Variants in DCC observed in about 807,000 individuals in gnomAD.
DCC encodes netrin receptor DCC.
Under a neutral mutation model 172.5 loss-of-function variants are expected in DCC, and 58 were observed. The ratio of observed to expected loss-of-function variants is 0.34; its 90% CI spans 0.27 to 0.42. DCC has a LOEUF of 0.42. Among genes scored for constraint, DCC ranks in the 10% least tolerant of loss-of-function variants. DCC has a pLI of 1.00. For synonymous variants in DCC, 709 were observed against 644.5 expected (o/e 1.10, Z -1.52); for missense variants, 1,740 against 1,791.0 (o/e 0.97, Z 0.51).
chr18:52,797,871 T>C (rs113837909), intron 2 of DCC, among the ~76,000 whole-genome samples: 6,565 of 152,306 alleles, frequency 0.043, 222 homozygotes, highest in South Asian at 0.16. Context: ...TGGGAAAGGC[T>C]GGCTGGTTCT....
chr18:52,871,132 A>C (rs2039311864), intron 2 of DCC, among the ~76,000 whole-genome samples: 1 of 152,158 alleles, frequency 6.6e-6, no homozygotes, highest in Admixed American at 6.5e-5. Flanking sequence ...TCAGGACAAA[A>C]AGTGTGCTGC....
chr18:53,396,172 G>A (rs1216578641), intron 17 of DCC, among the ~76,000 whole-genome samples: 2 of 151,882 alleles, frequency 1.3e-5, no homozygotes. Flanking sequence ...ATGAGTGGGG[G>A]AAAAGAGCTT....
chr18:52,561,090 C>A (rs1427867785), intron 1 of DCC, among the ~76,000 whole-genome samples: 1 of 151,814 alleles, frequency 6.6e-6, no homozygotes, highest in Non-Finnish European at 1.5e-5. Context: ...GCTCAGCCAT[C>A]TTTATTCAAG....
At position 53,416,253 on chromosome 18, in the gene DCC, A is replaced by G. The variant is rs747471833; in HGVS notation, c.3163+97A>G. 4.6e-5 allele frequency: 40 copies of G among 860,590 alleles called. No individual in the cohort carries two copies. In the African/African-American group the frequency reaches 6.0e-4, roughly 13 times the overall value. The allele number at this position is 860,590 out of a possible 1,614,324, so 53.3% of individuals were successfully genotyped here. A position where few individuals can be genotyped will look rare whatever the true frequency, so the allele number is the denominator to read the frequency against. ...TTATATTCCTCTTTTCACCTGGACC[A>G]TACACCTGATGAAGCAGACACTGGC... On this transcript the variant is annotated intron_variant, in intron 21 of 28. Coordinates refer to ENST00000442544, the MANE Select transcript of DCC (RefSeq NM_005215.4).
chr18:53,364,631 G>A (rs574316970), intron 15 of DCC, among the ~76,000 whole-genome samples: 10 of 151,936 alleles, frequency 6.6e-5, no homozygotes, highest in Non-Finnish European at 1.2e-4. Context: ...ATGGTGACTC[G>A]GGGGAAAAAT....
chr18:52,376,972 G>A (rs532920067), intron 1 of DCC, among the ~76,000 whole-genome samples: 22 of 152,234 alleles, frequency 1.4e-4, no homozygotes, highest in African/African-American at 4.8e-4. Context: ...TTCCAGCAGC[G>A]GCTACATCTG....
At chr18:52,645,947 C>G (rs2035009871) in intron 1 of DCC, among the ~76,000 whole-genome samples, 1 of 152,120 alleles carries the variant, frequency 6.6e-6, no homozygotes, top group Non-Finnish European at 1.5e-5. Context: ...TAGGTGCTTA[C>G]AATTTTGGAA....
intron 1 of DCC, among the ~76,000 whole-genome samples, chr18:52,574,257 C>T (rs2033362555): frequency 6.6e-6 from 1 of 152,094 alleles, no homozygotes; most frequent in African/African-American, 2.4e-5. Context: ...GTTATTTTGG[C>T]TAACCATTTA....
chr18:53,196,796 A>G (rs944547076), intron 9 of DCC, among the ~76,000 whole-genome samples: 5 of 152,142 alleles, frequency 3.3e-5, no homozygotes, highest in African/African-American at 2.4e-5. Context: ...TATTAAAACT[A>G]AAGGTAAAAT....
chr18:53,260,419 A>G (rs894166995), intron 12 of DCC, among the ~76,000 whole-genome samples: 18 of 151,980 alleles, frequency 1.2e-4, no homozygotes, highest in African/African-American at 4.1e-4. Flanking sequence ...TTTCCTTCTA[A>G]CAGTCAGGAC....
chr18:52,410,429 T>G (rs1416232820), intron 1 of DCC, among the ~76,000 whole-genome samples: 5 of 152,208 alleles, frequency 3.3e-5, no homozygotes, highest in African/African-American at 1.2e-4. Context: ...AATACCTCAT[T>G]TGTAAGGCAA....
At chr18:52,495,160 A>G (rs1162211036) in intron 1 of DCC, among the ~76,000 whole-genome samples, 1 of 152,066 alleles carries the variant, frequency 6.6e-6, no homozygotes, top group African/African-American at 2.4e-5. Context: ...GACTGTCAGA[A>G]AACTCCATTC....
At chr18:52,462,310 T>A (rs543888187) in intron 1 of DCC, among the ~76,000 whole-genome samples, 1 of 152,242 alleles carries the variant, frequency 6.6e-6, no homozygotes, top group Non-Finnish European at 1.5e-5. Flanking sequence ...AACCCTCCAA[T>A]GACTTCCCAC....
intron 5 of DCC, among the ~76,000 whole-genome samples, chr18:53,004,752 G>A (rs12956043): frequency 0.083 from 12,648 of 152,084 alleles, 660 homozygotes; most frequent in East Asian, 0.22. Flanking sequence ...GATTCCCTGT[G>A]CCAGTGCCCA....
chr18:52,585,276 T>A (rs1248391805), intron 1 of DCC, among the ~76,000 whole-genome samples: 1 of 152,194 alleles, frequency 6.6e-6, no homozygotes. Flanking sequence ...ACATCATACA[T>A]GTAGCCATGC....
At chr18:53,078,942 G>T (rs2042760961) in intron 7 of DCC, among the ~76,000 whole-genome samples, 1 of 152,056 alleles carries the variant, frequency 6.6e-6, no homozygotes, top group Non-Finnish European at 1.5e-5. Flanking sequence ...GTATTCTTCA[G>T]GTCCAGTTCC....
chr18:52,924,320 A>G (rs1007892792), intron 4 of DCC, among the ~76,000 whole-genome samples: 1 of 152,120 alleles, frequency 6.6e-6, no homozygotes, highest in African/African-American at 2.4e-5. Context: ...ATTATATGCA[A>G]TTTTTGTCAA....
chr18:52,571,840 G>A (rs2033302486), intron 1 of DCC, among the ~76,000 whole-genome samples: 2 of 152,102 alleles, frequency 1.3e-5, no homozygotes, highest in African/African-American at 2.4e-5. Context: ...ACTTCAATAT[G>A]TCCATCAATT....
intron 1 of DCC, among the ~76,000 whole-genome samples, chr18:52,495,210 G>T (rs576749644): frequency 6.6e-6 from 1 of 152,026 alleles, no homozygotes; most frequent in African/African-American, 2.4e-5. Flanking sequence ...TTATCCTCTC[G>T]TGTAGCTTCA....
Sources: allele counts gnomAD v4.1 joint callset (sites outside exome capture counted in the v4.1 genomes callset), GRCh38; gene constraint gnomAD v4.1.1; transcripts MANE v1.5; gene names NCBI Gene and HGNC (gene_info 2026-07-23, HGNC 2026-07-21).